The following CELF2 variants were observed in gnomAD, a reference collection of about 807,000 sequenced individuals.
CELF2 encodes CUG triplet repeat RNA-binding protein 2.
CELF2 carries 8 observed loss-of-function variants against 62.6 expected under a neutral mutation model. The observed-to-expected ratio is 0.13, with a 90% CI of 0.07 to 0.23. The LOEUF is 0.23. Ranked by LOEUF, CELF2 falls within the 10% of genes least tolerant of loss-of-function variation. CELF2 has a pLI of 1.00. For missense variants in CELF2, 333 were observed against 671.0 expected, an observed-to-expected ratio of 0.50 and a Z score of 5.56; for synonymous variants, 258 against 250.0, an observed-to-expected ratio of 1.03 and a Z score of -0.30.
the CELF2 span, among the ~76,000 whole-genome samples, chr10:10,703,312 A>C: frequency 6.6e-6 from 1 of 152,110 alleles, no homozygotes; most frequent in East Asian, 1.9e-4. Context: ...TCAGAACATG[A>C]CTCAGCTAGT....
intron 2 of CELF2, among the ~76,000 whole-genome samples, chr10:11,173,512 CT>C (rs59489425): frequency 0.026 from 3,966 of 152,230 alleles, 174 homozygotes; most frequent in African/African-American, 0.09. Context: ...CATGACATAC[CT>C]TTTGAAGAAG....
chr10:10,664,085 C>T, the CELF2 span, among the ~76,000 whole-genome samples: 1 of 152,178 alleles, frequency 6.6e-6, no homozygotes, highest in Non-Finnish European at 1.5e-5. Flanking sequence ...TAAGCCTCTT[C>T]AAAACCTGAG....
At chr10:10,700,484 C>T in the CELF2 span, among the ~76,000 whole-genome samples, 1 of 152,200 alleles carries the variant, frequency 6.6e-6, no homozygotes, top group Admixed American at 6.5e-5. Context: ...TCTCTTCCTG[C>T]TTGCAGCATA....
At chr10:10,732,687 C>T in the CELF2 span, among the ~76,000 whole-genome samples, 1 of 152,146 alleles carries the variant, frequency 6.6e-6, no homozygotes, top group African/African-American at 2.4e-5. Flanking sequence ...CCACGCCTGG[C>T]TAGTTTTTGT....
At chr10:10,736,908 T>C in the CELF2 span, among the ~76,000 whole-genome samples, 2 of 152,136 alleles carry the variant, frequency 1.3e-5, no homozygotes, top group African/African-American at 2.4e-5. Flanking sequence ...AAAGAGTCAA[T>C]ATGCCTTCCA....
chr10:10,987,542 TTG>T (rs1262908030), intron 2 of CELF2, among the ~76,000 whole-genome samples: 4 of 152,268 alleles, frequency 2.6e-5, no homozygotes, highest in Admixed American at 2.0e-4. Context: ...CTAGTTAAGA[TTG>T]TGTTTTAACT....
the CELF2 span, among the ~76,000 whole-genome samples, chr10:10,766,506 G>A: frequency 6.6e-6 from 1 of 152,190 alleles, no homozygotes; most frequent in Non-Finnish European, 1.5e-5. Context: ...GGGGTCAGGT[G>A]TAAGGGACCT....
chr10:10,469,929 T>A, the CELF2 span, among the ~76,000 whole-genome samples: 7 of 152,016 alleles, frequency 4.6e-5, no homozygotes, highest in South Asian at 1.5e-3. Context: ...CAAGTACAGG[T>A]TGAGCATCCC....
intron 1 of CELF2, among the ~76,000 whole-genome samples, chr10:11,138,040 A>T (rs1420213997): frequency 1.3e-5 from 2 of 152,252 alleles, no homozygotes; most frequent in East Asian, 3.8e-4. Flanking sequence ...TTTAGATGAT[A>T]GATGAATTTT....
intron 1 of CELF2, among the ~76,000 whole-genome samples, chr10:11,070,546 T>G (rs1195932710): frequency 6.6e-6 from 1 of 151,654 alleles, no homozygotes; most frequent in Non-Finnish European, 1.5e-5. Context: ...CGGCTGGAGG[T>G]GTGGAGTTGG....
At chr10:10,562,733 C>A in the CELF2 span, among the ~76,000 whole-genome samples, 1 of 135,770 alleles carries the variant, frequency 7.4e-6, no homozygotes, top group African/African-American at 3.5e-5. Context: ...TTCCCTTCCT[C>A]TTCCCATTCC....
chr10:11,218,733 G>C (rs557262521), intron 3 of CELF2, among the ~76,000 whole-genome samples: 1 of 152,368 alleles, frequency 6.6e-6, no homozygotes, highest in South Asian at 2.1e-4. Flanking sequence ...GCTTCTCTCT[G>C]AAACTGCTAA....
Position 11,005,449 on chromosome 10 carries a change from TTG to T in CELF2, c.53+13_53+14del, listed in dbSNP as rs1288758260. On this transcript the variant is annotated intron_variant, in intron 1 of 12. Transcript: ENST00000416382. The surrounding 1 kb of genome is among the most constrained non-coding windows in gnomAD (Gnocchi z 4.3). ...GAAGAGCTGCTTTTAAGGTATGTTG[TTG>T]TGTCCTTTGTTTTTAATGCACGCTT... 6.2e-7 allele frequency: 1 copy of T among 1,613,808 alleles called. No individual in the cohort carries two copies. Among genetic ancestry groups the T allele is most frequent in the East Asian group, 2.2e-5 (1 of 44,896 alleles).
chr10:11,114,944 G>A (rs1788039242), intron 1 of CELF2, among the ~76,000 whole-genome samples: 3 of 152,004 alleles, frequency 2.0e-5, no homozygotes, highest in Non-Finnish European at 4.4e-5. Flanking sequence ...TGTCCCTTTA[G>A]TATCCCCACT....
intron 1 of CELF2, among the ~76,000 whole-genome samples, chr10:11,150,152 T>C (rs2063056101): frequency 6.6e-6 from 1 of 152,248 alleles, no homozygotes; most frequent in South Asian, 2.1e-4. Context: ...ACACAAGTCT[T>C]TCCAAGTAGT....
the CELF2 span, among the ~76,000 whole-genome samples, chr10:10,509,230 T>A: frequency 6.6e-6 from 1 of 152,198 alleles, no homozygotes; most frequent in Non-Finnish European, 1.5e-5. Context: ...ATTACTCTGT[T>A]GTCCTTGAGT....
chr10:10,615,521 G>T, the CELF2 span, among the ~76,000 whole-genome samples: 10 of 152,148 alleles, frequency 6.6e-5, no homozygotes, highest in Admixed American at 6.5e-4. Context: ...GTGTCATGTT[G>T]ATATGGTTTG....
chr10:10,939,531 T>C (rs1352272115), intron 2 of CELF2, among the ~76,000 whole-genome samples: 1 of 151,720 alleles, frequency 6.6e-6, no homozygotes, highest in Admixed American at 6.6e-5. Flanking sequence ...GGTGATCCAC[T>C]CACCTTGGCC....
In CELF2 at chr10:10,882,432, G is replaced by A. The variant is rs528067023; in HGVS notation, c.54-37532G>A. Among the ~76,000 whole-genome samples, 7 of 152,298 alleles carry A rather than the reference G, an allele frequency of 4.6e-5. No individual in the cohort carries two copies. The East Asian group carries it at 1.4e-3, about 29-fold the overall frequency. On this transcript the variant is annotated intron_variant, in intron 1 of 13. Coordinates refer to the CELF2 transcript ENST00000636488. ...GTCGTGACTTGACCACAAAGGGAAG[G>A]TGTTCTGTTGTCACTAAATTACTTG... is the stretch of plus-strand genomic sequence containing the variant.
Sources: gnomAD v4.1 joint callset for allele counts (sites outside exome capture counted in the v4.1 genomes callset) on GRCh38, gnomAD v4.1.1 for gene constraint, Gnocchi (gnomAD v3.1) non-coding constraint, MANE v1.5 for transcripts, NCBI Gene and HGNC (gene_info 2026-07-23, HGNC 2026-07-21) for gene names.